ZNF609: variants seen among roughly 807,000 people sequenced by gnomAD.
ZNF609 encodes the protein zinc finger protein 609.
A neutral mutation model predicts 109.5 loss-of-function variants in ZNF609; 11 were observed. The observed-to-expected ratio is 0.10, with a 90% confidence interval of 0.06 to 0.17. ZNF609 has a LOEUF of 0.17. Ranked by LOEUF, ZNF609 falls within the 10% of genes least tolerant of loss-of-function variation. The probability of loss-of-function intolerance (pLI) is 1.00; values close to 1 mark genes in which losing one functional copy is unlikely to be tolerated. For synonymous variants in ZNF609, 646 were observed against 662.0 expected (o/e 0.98, Z 0.37); for missense variants, 1,559 against 1,772.4 (o/e 0.88, Z 2.16).
At chr15:64,590,868 C>T (rs1397655786) in intron 2 of ZNF609, among the ~76,000 whole-genome samples, 2 of 150,998 alleles carry the variant, frequency 1.3e-5, no homozygotes, top group Non-Finnish European at 2.9e-5. Context: ...AAAATGTTAT[C>T]CCTTGAAGAT....
Position 64,538,774 on chromosome 15 carries a change from G to A in ZNF609, c.747+38608G>A, listed in dbSNP as rs191315893. On this transcript the variant is annotated intron_variant, in intron 2 of 9. Transcript: ENST00000326648. The stretch of plus-strand genomic sequence containing the variant: ...TTAGTCAGGCTGGTCTTGAACTCCC[G>A]ACCTCAAGTGATCCACTGCCTCGAC... Among the ~76,000 whole-genome samples the A allele has an allele frequency of 6.6e-5, 10 of 152,152 alleles. No homozygotes were observed. The East Asian group carries it at 1.9e-3, about 29-fold the overall frequency.
intron 2 of ZNF609, among the ~76,000 whole-genome samples, chr15:64,515,355 A>T (rs1305230276): frequency 6.6e-6 from 1 of 152,196 alleles, no homozygotes; most frequent in Non-Finnish European, 1.5e-5. Context: ...GACTGGCCAA[A>T]CAAGTTTTCA....
chr15:64,536,723 ACC>A (rs34575004), intron 2 of ZNF609, among the ~76,000 whole-genome samples: 98 of 125,504 alleles, frequency 7.8e-4, no homozygotes, highest in South Asian at 2.4e-3. Flanking sequence ...CTAAAATTCC[ACC>A]CCCCCCCCCA....
In ZNF609 at chr15:64,683,205, G is replaced by A. The variant is rs1299862605; in HGVS notation, c.*1519G>A. 2 of 152,484 alleles carry A rather than the reference G, an allele frequency of 1.3e-5. No homozygotes were observed. The highest frequency in any genetic ancestry group is 4.8e-5 in the African/African-American group (2 of 41,392). The allele number at this position is 152,484 out of a possible 1,614,324, so 9.4% of individuals were successfully genotyped here. A position where few individuals can be genotyped will look rare whatever the true frequency, so the allele number is the denominator to read the frequency against. ...CTATCTTTCCATGACCCTCTGGATT[G>A]AGAGAGAGAGATAAAGACTGACAGA... On this transcript the variant is annotated 3_prime_UTR_variant, in exon 10 of 10. Coordinates refer to ENST00000326648, the MANE Select transcript of ZNF609 (RefSeq NM_015042.2).
chr15:64,662,072 A>G (rs1209712059), intron 3 of ZNF609, among the ~76,000 whole-genome samples: 2 of 152,182 alleles, frequency 1.3e-5, no homozygotes, highest in Non-Finnish European at 2.9e-5. Flanking sequence ...ATCTGAAAGC[A>G]TATCTGGGGC....
At chr15:64,481,319 CTTTTTTT>C (rs889184379) in intron 1 of ZNF609, among the ~76,000 whole-genome samples, 25 of 127,276 alleles carry the variant, frequency 2.0e-4, no homozygotes, top group Admixed American at 8.8e-4. Context: ...TTTCTTTTTT[CTTTTTTT>C]TTTTTTTTTT....
At chr15:64,465,886 C>T (rs955098683) in intron 1 of ZNF609, among the ~76,000 whole-genome samples, 7 of 151,508 alleles carry the variant, frequency 4.6e-5, no homozygotes, top group East Asian at 2.0e-4. Flanking sequence ...GAGGCTGAGG[C>T]GGGCAGATCA....
At chr15:64,641,791 C>G (rs1370983615) in intron 3 of ZNF609, among the ~76,000 whole-genome samples, 1 of 152,056 alleles carries the variant, frequency 6.6e-6, no homozygotes. Flanking sequence ...AGGCTTTGAA[C>G]ATTTTTACAG....
chr15:64,611,334 G>A (rs993289564), intron 2 of ZNF609, among the ~76,000 whole-genome samples: 2 of 152,166 alleles, frequency 1.3e-5, no homozygotes, highest in Non-Finnish European at 2.9e-5. Flanking sequence ...CAAGCAGGCA[G>A]GAGATTGTAG....
intron 2 of ZNF609, among the ~76,000 whole-genome samples, chr15:64,578,874 C>T (rs866852194): frequency 6.6e-6 from 1 of 151,894 alleles, no homozygotes; most frequent in Non-Finnish European, 1.5e-5. Flanking sequence ...GTGGCATGTG[C>T]GTGTAGTCCT....
intron 3 of ZNF609, among the ~76,000 whole-genome samples, chr15:64,641,215 C>CTTTTTTTTTT (rs1437729494): frequency 2.8e-4 from 5 of 18,118 alleles, no homozygotes; most frequent in African/African-American, 7.6e-4. Context: ...TACACTTGTG[C>CTTTTTTTTTT]TTTCTTTTTT....
At chr15:64,568,362 G>A (rs1030846459) in intron 2 of ZNF609, among the ~76,000 whole-genome samples, 3 of 152,084 alleles carry the variant, frequency 2.0e-5, no homozygotes, top group African/African-American at 7.2e-5. Context: ...TGTACCTCAT[G>A]CCCAGCAGCA....
intron 1 of ZNF609, among the ~76,000 whole-genome samples, chr15:64,470,989 T>C (rs998704062): frequency 6.6e-6 from 1 of 152,246 alleles, no homozygotes; most frequent in African/African-American, 2.4e-5. Context: ...CTTCTGTTGT[T>C]GTTAACATAG....
At chr15:64,532,013 C>T (rs1894070771) in intron 2 of ZNF609, among the ~76,000 whole-genome samples, 2 of 152,140 alleles carry the variant, frequency 1.3e-5, no homozygotes, top group Admixed American at 6.5e-5. Context: ...TTCTCTCTGC[C>T]ATACCTCTAT....
At chr15:64,500,338 T>C (rs1389977746) in intron 2 of ZNF609, 172 bp downstream of exon 2, 3 of 932,062 alleles carry the variant, frequency 3.2e-6, no homozygotes, top group East Asian at 2.6e-5. Context: ...AATTAGAGGA[T>C]TCCCCTACAG....
chr15:64,575,854 G>C (rs1052297597), intron 2 of ZNF609, among the ~76,000 whole-genome samples: 3 of 152,196 alleles, frequency 2.0e-5, no homozygotes, highest in Admixed American at 2.0e-4. Context: ...TGTAATCCCA[G>C]CACTTTGGGA....
At chr15:64,463,325 G>A (rs1041035396) in intron 1 of ZNF609, among the ~76,000 whole-genome samples, 1 of 151,886 alleles carries the variant, frequency 6.6e-6, no homozygotes, top group African/African-American at 2.4e-5. Context: ...GTTGAGCCCA[G>A]GAGGTTGAGG....
At chr15:64,634,948 T>G (rs1423953864) in intron 3 of ZNF609, among the ~76,000 whole-genome samples, 1 of 152,198 alleles carries the variant, frequency 6.6e-6, no homozygotes, top group Admixed American at 6.5e-5. Flanking sequence ...GAGGATACTT[T>G]AGGGCAGTGA....
At chr15:64,669,948 G>A (rs370471791) in intron 3 of ZNF609, among the ~76,000 whole-genome samples, 12 of 152,086 alleles carry the variant, frequency 7.9e-5, no homozygotes, top group East Asian at 3.9e-4. Flanking sequence ...GATTACAGGC[G>A]TGAGCCACCA....
Sources: allele counts gnomAD v4.1 joint callset (sites outside exome capture counted in the v4.1 genomes callset), GRCh38; gene constraint gnomAD v4.1.1; transcripts MANE v1.5; gene names NCBI Gene and HGNC (gene_info 2026-07-23, HGNC 2026-07-21).